The following SORCS1 variants were observed in gnomAD, a reference collection of about 807,000 sequenced individuals.
SORCS1 encodes VPS10 domain-containing receptor SorCS1.
In SORCS1, 60 loss-of-function variants were observed where a neutral mutation model predicts 146.1. That is an observed-to-expected ratio of 0.41 (90% CI 0.33 to 0.51). The LOEUF (loss-of-function observed/expected upper bound fraction) is 0.51. Among genes scored for constraint, SORCS1 ranks in the 20% least tolerant of loss-of-function variants. SORCS1 has a pLI of 0.21. For missense variants in SORCS1, 1,352 were observed against 1,487.6 expected (o/e 0.91, Z 1.50); for synonymous variants, 637 against 584.0 (o/e 1.09, Z -1.31).
intron 1 of SORCS1, among the ~76,000 whole-genome samples, chr10:106,986,284 TAC>T (rs1435342056): frequency 6.6e-6 from 1 of 151,988 alleles, no homozygotes; most frequent in Non-Finnish European, 1.5e-5. Flanking sequence ...CAAATATATA[TAC>T]AAACACACGT....
chr10:106,675,068 C>A lies in SORCS1; in HGVS notation c.1921G>T (p.Glu641Ter). Residue 641 changes from glutamate to a stop codon, truncating the protein, a stop_gained, in exon 14 of 26, where the codon GAA becomes TAA. Transcript: ENST00000263054. LOFTEE classifies it high-confidence loss of function. Reference protein sequence around the residue: ...FVDGVLGEPGEETLIMTVFGH... With the variant: ...FVDGVLGEPG ...ACTTACGTCATGATGAGAGTCTCTT[C>A]TCCAGGCTCACCCAGAACCCCATCC... The A allele has an allele frequency of 6.2e-7, 1 of 1,613,722 alleles. No homozygotes were observed. The highest frequency in any genetic ancestry group is 8.5e-7 in the Non-Finnish European group (1 of 1,179,734).
chr10:106,685,430 T>C (rs1317248989), intron 10 of SORCS1, among the ~76,000 whole-genome samples: 1 of 152,102 alleles, frequency 6.6e-6, no homozygotes, highest in Non-Finnish European at 1.5e-5. Flanking sequence ...GTACACCTGC[T>C]CATTTCAGAT....
At chr10:106,897,509 A>G (rs1043337432) in intron 2 of SORCS1, among the ~76,000 whole-genome samples, 22 of 152,082 alleles carry the variant, frequency 1.4e-4, no homozygotes, top group Admixed American at 9.8e-4. Context: ...TGACATCTTA[A>G]TATTTTACAA....
chr10:106,648,651 T>C (rs1192692786), intron 18 of SORCS1, among the ~76,000 whole-genome samples: 1 of 152,070 alleles, frequency 6.6e-6, no homozygotes, highest in African/African-American at 2.4e-5. Context: ...TAGACATTGG[T>C]TTACATGACA....
intron 7 of SORCS1, 111 bp downstream of exon 7, chr10:106,709,112 C>A (rs1010466609): frequency 5.9e-5 from 45 of 756,362 alleles, no homozygotes; most frequent in African/African-American, 5.7e-4. Context: ...CTCCTTCCCT[C>A]CCTCCCATCC....
intron 2 of SORCS1, among the ~76,000 whole-genome samples, chr10:106,873,210 G>T (rs1228931985): frequency 6.6e-6 from 1 of 151,754 alleles, no homozygotes; most frequent in Non-Finnish European, 1.5e-5. Context: ...TACTCAGGAA[G>T]GCTGAGGCAG....
At chr10:106,665,635 T>A (rs185789377) in intron 17 of SORCS1, among the ~76,000 whole-genome samples, 1 of 152,310 alleles carries the variant, frequency 6.6e-6, no homozygotes, top group African/African-American at 2.4e-5. Flanking sequence ...TATCTGCTTT[T>A]TAACACATTA....
At chr10:107,080,633 G>A (rs1380924948) in intron 1 of SORCS1, among the ~76,000 whole-genome samples, 1 of 152,154 alleles carries the variant, frequency 6.6e-6, no homozygotes, top group Non-Finnish European at 1.5e-5. Context: ...GACACAATAA[G>A]AAAGTATTGC....
At chr10:106,892,648 A>T (rs1490813740) in intron 2 of SORCS1, among the ~76,000 whole-genome samples, 1 of 152,190 alleles carries the variant, frequency 6.6e-6, no homozygotes, top group Non-Finnish European at 1.5e-5. Flanking sequence ...TTTAGGCAAG[A>T]TGTAAATATA....
intron 1 of SORCS1, among the ~76,000 whole-genome samples, chr10:107,030,954 A>G (rs1296583821): frequency 6.6e-6 from 1 of 152,158 alleles, no homozygotes; most frequent in Non-Finnish European, 1.5e-5. Flanking sequence ...AATTCACCCA[A>G]GTCTCAGAAT....
chr10:106,812,307 T>G (rs2136805237), intron 3 of SORCS1, among the ~76,000 whole-genome samples: 1 of 152,288 alleles, frequency 6.6e-6, no homozygotes, highest in South Asian at 2.1e-4. Context: ...GCCTGGAGTT[T>G]TGTTTTGTTT....
chr10:107,039,679 C>T (rs969161253), intron 1 of SORCS1, among the ~76,000 whole-genome samples: 21 of 152,182 alleles, frequency 1.4e-4, no homozygotes, highest in Middle Eastern at 3.2e-3. Context: ...AAGAGCTCAG[C>T]AGCTGATCTG....
In SORCS1 at chr10:106,750,932, C is replaced by T. The variant is rs1366232296; in HGVS notation, c.959+10656G>A. ...AAAATCAGCTGGGCGTGGTGGCGGGCGCCGTAGTCCCAGCTACTAGGGAGG... is the reference window on the plus strand; with the variant it reads ...AAAATCAGCTGGGCGTGGTGGCGGGTGCCGTAGTCCCAGCTACTAGGGAGG... On this transcript the variant is annotated intron_variant, in intron 5 of 25. Coordinates refer to ENST00000263054, the MANE Select transcript of SORCS1 (RefSeq NM_052918.5). 2.9e-5 allele frequency among the ~76,000 whole-genome samples: 4 copies of T among 138,094 alleles called. No individual in the cohort carries two copies. In the East Asian group the frequency reaches 8.8e-4, roughly 30 times the overall value. The allele number at this position is 138,094 out of a possible 152,430, so 90.6% of individuals were successfully genotyped here. A position where few individuals can be genotyped will look rare whatever the true frequency, so the allele number is the denominator to read the frequency against.
At chr10:107,015,633 A>C (rs1422169378) in intron 1 of SORCS1, among the ~76,000 whole-genome samples, 1 of 152,204 alleles carries the variant, frequency 6.6e-6, no homozygotes, top group Non-Finnish European at 1.5e-5. Context: ...ATAATAATAC[A>C]ATATCATGCA....
At chr10:106,589,272 GTGTTGCCCC>G (rs1160485463) in intron 24 of SORCS1, among the ~76,000 whole-genome samples, 1 of 152,166 alleles carries the variant, frequency 6.6e-6, no homozygotes, top group African/African-American at 2.4e-5. Flanking sequence ...ATAAAAGTCA[GTGTTGCCCC>G]TTGCTTGCCC....
Position 106,822,782 on chromosome 10 carries a change from G to GTTTTTTTTTTTTTTTTTTT in SORCS1, c.726+6773_726+6791dup, listed in dbSNP as rs1158921880. Among the ~76,000 whole-genome samples, 21 of 113,148 alleles carry GTTTTTTTTTTTTTTTTTTT rather than the reference G, an allele frequency of 1.9e-4. 2 individuals carry two copies. Among genetic ancestry groups the GTTTTTTTTTTTTTTTTTTT allele is most frequent in the East Asian group, 8.5e-4 (3 of 3,544 alleles). 74.2% of individuals were successfully genotyped at this position (113,148 alleles called of 152,430 possible). A position where few individuals can be genotyped will look rare whatever the true frequency, so the allele number is the denominator to read the frequency against. On this transcript the variant is annotated intron_variant, in intron 3 of 25. Transcript: ENST00000263054. The stretch of plus-strand genomic sequence containing the variant: ...CACTATGTCTCTGAATTCATGTGTG[G>GTTTTTTTTTTTTTTTTTTT]TTTTTTTTTTTTTTTTTTTTGAATA...
intron 3 of SORCS1, among the ~76,000 whole-genome samples, chr10:106,790,784 G>T (rs140477215): frequency 6.6e-6 from 1 of 152,168 alleles, no homozygotes; most frequent in Non-Finnish European, 1.5e-5. Context: ...CTACTTGTCC[G>T]ATGTCTAGCT....
intron 5 of SORCS1, among the ~76,000 whole-genome samples, chr10:106,740,633 A>C (rs986855390): frequency 1.3e-5 from 2 of 152,164 alleles, no homozygotes; most frequent in African/African-American, 4.8e-5. Flanking sequence ...AGAAAAAAAA[A>C]CCCATTGTTC....
chr10:106,577,033 C>T lies in SORCS1; in HGVS notation c.*387G>A, dbSNP rs1844608881. 5.3e-6 allele frequency: 2 copies of T among 375,766 alleles called. No individual in the cohort carries two copies. The highest frequency in any genetic ancestry group is 4.3e-5 in the African/African-American group (2 of 46,956). The allele number at this position is 375,766 out of a possible 1,614,324, so 23.3% of individuals were successfully genotyped here. A position where few individuals can be genotyped will look rare whatever the true frequency, so the allele number is the denominator to read the frequency against. The stretch of plus-strand genomic sequence containing the variant: ...TTAAAATAGAGCACCTGTACACTGC[C>T]CCTCCAGACATGTTCTCAGAGTATT... On this transcript the variant is annotated 3_prime_UTR_variant, in exon 26 of 26. Coordinates refer to ENST00000263054, the MANE Select transcript of SORCS1 (RefSeq NM_052918.5).
Sources: gnomAD v4.1 joint callset for allele counts (sites outside exome capture counted in the v4.1 genomes callset) on GRCh38, gnomAD v4.1.1 for gene constraint, MANE v1.5 for transcripts, NCBI Gene and HGNC (gene_info 2026-07-23, HGNC 2026-07-21) for gene names.